ALDH4A1: variants seen among roughly 807,000 people sequenced by gnomAD.
The protein encoded by ALDH4A1 is aldehyde dehydrogenase 4 family member A1, also known as delta-1-pyrroline-5-carboxylate dehydrogenase, mitochondrial.
In ALDH4A1, 46 loss-of-function variants were observed where a neutral mutation model predicts 70.5. The observed-to-expected ratio is 0.65, with a 90% CI of 0.51 to 0.83. The LOEUF (loss-of-function observed/expected upper bound fraction) is 0.83, where lower values mean the gene tolerates loss of function less well. Ranked by LOEUF, ALDH4A1 falls within the 40% of genes least tolerant of loss-of-function variation. ALDH4A1 has a pLI of 0.00. For missense variants in ALDH4A1, 749 were observed against 766.5 expected (o/e 0.98, Z 0.27); for synonymous variants, 323 against 324.3 (o/e 1.00, Z 0.04).
intron 5 of ALDH4A1, 30 bp downstream of exon 5, chr1:18,885,443 C>CCCCCCCCCCCCCCCCCCCCCA: frequency 2.5e-6 from 2 of 803,766 alleles, no homozygotes; most frequent in Non-Finnish European, 4.1e-6. Context: ...CCCACCCCGC[C>CCCCCCCCCCCCCCCCCCCCCA]CCACCCACCC....
chr1:18,893,894 A>T (rs1935528588), intron 1 of ALDH4A1, among the ~76,000 whole-genome samples: 1 of 152,220 alleles, frequency 6.6e-6, no homozygotes. Flanking sequence ...TTGTTACTGC[A>T]GCTAATCGGA....
rs768724589 is a variant in ALDH4A1 at position 18,882,299 on chromosome 1, G to A, written c.679-412C>T. Among the ~76,000 whole-genome samples the A allele has an allele frequency of 5.9e-5, 9 of 151,994 alleles. No homozygotes were observed. In the South Asian group the frequency reaches 6.2e-4, roughly 11 times the overall value. ...GCACGTGGGCGCCTGGCCATGCACC[G>A]TGTTTGTCTGTGCACAGATGCATGA... On this transcript the variant is annotated intron_variant, in intron 7 of 14. Coordinates refer to ENST00000375341, the MANE Select transcript of ALDH4A1 (RefSeq NM_003748.4).
intron 7 of ALDH4A1, chr1:18,882,761 A>G: frequency 1.7e-6 from 1 of 584,380 alleles, no homozygotes; most frequent in Non-Finnish European, 3.3e-6. Flanking sequence ...GGTAATGATC[A>G]TCAACAGAGC....
At chr1:18,897,835 A>G (rs1935674897) in intron 1 of ALDH4A1, among the ~76,000 whole-genome samples, 1 of 152,180 alleles carries the variant, frequency 6.6e-6, no homozygotes, top group South Asian at 2.1e-4. Context: ...CACCTGAGGA[A>G]AGCCGCCGCC....
intron 4 of ALDH4A1, 119 bp downstream of exon 4, chr1:18,886,345 C>T: frequency 5.0e-6 from 6 of 1,194,092 alleles, no homozygotes; most frequent in Non-Finnish European, 7.4e-6. Flanking sequence ...ACCTACCCAC[C>T]ATGGCCAAAG....
intron 9 of ALDH4A1, 69 bp from the exon 10 acceptor site, chr1:18,877,681 A>G: frequency 1.3e-6 from 2 of 1,544,792 alleles, no homozygotes; most frequent in Non-Finnish European, 8.8e-7. Context: ...GGCCCAAAAC[A>G]CCACCTACGC....
intron 1 of ALDH4A1, 77 bp downstream of exon 1, chr1:18,902,385 G>A: frequency 8.3e-7 from 1 of 1,198,232 alleles, no homozygotes; most frequent in Non-Finnish European, 1.1e-6. Flanking sequence ...AGTGCGGCGC[G>A]GGGGACGCCC....
In ALDH4A1 at chr1:18,897,211, T is replaced by C. The variant is rs1448053986; in HGVS notation, c.62+5251A>G. The C allele has an allele frequency of 1.6e-5, 7 of 429,214 alleles. No individual in the cohort carries two copies. In the East Asian group the frequency reaches 5.3e-4, roughly 33 times the overall value. The allele number at this position is 429,214 out of a possible 1,614,324, so 26.6% of individuals were successfully genotyped here. On this transcript the variant is annotated intron_variant, in intron 1 of 14. Coordinates refer to ENST00000375341, the MANE Select transcript of ALDH4A1 (RefSeq NM_003748.4). ...CTTGGGAGTAGGGATGCTCAACTTG[T>C]TCGGCAAATTCTCCAAAATCCAAGC... is the stretch of plus-strand genomic sequence containing the variant.
At chr1:18,875,178 C>T (rs1934620299) in intron 13 of ALDH4A1, among the ~76,000 whole-genome samples, 1 of 152,192 alleles carries the variant, frequency 6.6e-6, no homozygotes, top group South Asian at 2.1e-4. Flanking sequence ...GGCACCCTGG[C>T]ACCGGCACCA....
At chr1:18,882,152 G>A (rs775939530) in intron 7 of ALDH4A1, among the ~76,000 whole-genome samples, 1 of 152,238 alleles carries the variant, frequency 6.6e-6, no homozygotes, top group Admixed American at 6.5e-5. Flanking sequence ...AACCGGTCCT[G>A]CCATCACCTA....
Position 18,885,427 on chromosome 1 carries a change from T to TCCCC in ALDH4A1, c.453+45_453+46insGGGG. Reference sequence around the variant, plus strand: ...CTGCCATGGGTAGGGCACACCTGACTCCCACCCCACCCCGCCCCACCCACC... The same window carrying TCCCC: ...CTGCCATGGGTAGGGCACACCTGACTCCCCCCCACCCCACCCCGCCCCACCCACC... On this transcript the variant is annotated intron_variant, in intron 5 of 14. Coordinates refer to ENST00000375341, the MANE Select transcript of ALDH4A1 (RefSeq NM_003748.4). 30 of 650,920 alleles carry TCCCC rather than the reference T, an allele frequency of 4.6e-5. 4 individuals carry two copies. The highest frequency in any genetic ancestry group is 6.3e-5 in the East Asian group (2 of 31,498). 40.3% of individuals were successfully genotyped at this position (650,920 alleles called of 1,614,324 possible).
intron 11 of ALDH4A1, 22 bp from the exon 12 acceptor site, chr1:18,876,489 G>A (rs1201705227): frequency 1.3e-6 from 2 of 1,561,924 alleles, no homozygotes; most frequent in East Asian, 2.3e-5. Context: ...AGGGAGGAGG[G>A]AGGTCTAAGA....
Position 18,897,581 on chromosome 1 carries a change from G to C in ALDH4A1, c.62+4881C>G, listed in dbSNP as rs182259474. ...CCCAAAAAACGAAACACTCTGTTCT[G>C]AAGCATTTCAGATGAGGGACACTCG... On this transcript the variant is annotated intron_variant, in intron 1 of 14. Coordinates refer to ENST00000375341, the MANE Select transcript of ALDH4A1 (RefSeq NM_003748.4). 1.9e-3 allele frequency among the ~76,000 whole-genome samples: 283 copies of C among 152,312 alleles called. 1 individual carries two copies. Among genetic ancestry groups the C allele is most frequent in the Non-Finnish European group, 1.9e-3 (129 of 68,030 alleles).
intron 1 of ALDH4A1, among the ~76,000 whole-genome samples, chr1:18,900,071 C>T (rs1366074130): frequency 6.6e-6 from 1 of 152,128 alleles, no homozygotes; most frequent in African/African-American, 2.4e-5. Flanking sequence ...CAGTGGGTAC[C>T]TCTGTGTGGT....
chr1:18,882,993 A>C (rs1364125748), intron 7 of ALDH4A1, 131 bp downstream of exon 7: 1 of 1,241,944 alleles, frequency 8.1e-7, no homozygotes, highest in African/African-American at 1.5e-5. Flanking sequence ...CACAGCCCCA[A>C]GCTGCCTCCA....
At chr1:18,884,321 G>A (rs1413127911) in intron 5 of ALDH4A1, among the ~76,000 whole-genome samples, 1 of 151,776 alleles carries the variant, frequency 6.6e-6, no homozygotes, top group Non-Finnish European at 1.5e-5. Context: ...AGCAGAGGGG[G>A]CGCTCACCAT....
chr1:18,875,837 T>C (rs369948130), intron 12 of ALDH4A1, among the ~76,000 whole-genome samples: 2 of 152,232 alleles, frequency 1.3e-5, no homozygotes, highest in African/African-American at 4.8e-5. Context: ...AGAGATACCA[T>C]TCCCTCCAGA....
chr1:18,874,681 G>A, intron 13 of ALDH4A1, 100 bp from the exon 14 acceptor site: 3 of 1,232,692 alleles, frequency 2.4e-6, no homozygotes, highest in Admixed American at 1.7e-5. Context: ...TGGCTTTCCA[G>A]GTTCAACAGG....
Position 18,874,592 on chromosome 1 carries a change from G to T in ALDH4A1, c.1461-11C>A. The stretch of plus-strand genomic sequence containing the variant: ...TCCTGCACGACGTCCCTACAAAGCA[G>T]AGCAGTGGTGACAGAGCAACCAGCT... On this transcript the variant is annotated splice_polypyrimidine_tract_variant and intron_variant, in intron 13 of 14. Transcript: ENST00000375341. The T allele has an allele frequency of 6.2e-7, 1 of 1,613,954 alleles. No individual in the cohort carries two copies.
Sources: allele counts gnomAD v4.1 joint callset (sites outside exome capture counted in the v4.1 genomes callset), GRCh38; gene constraint gnomAD v4.1.1; transcripts MANE v1.5; gene names NCBI Gene and HGNC (gene_info 2026-07-23, HGNC 2026-07-21).